The following DOCK3 variants were observed in gnomAD, a reference collection of about 807,000 sequenced individuals.
DOCK3 encodes dedicator of cytokinesis 3, also known as dedicator of cytokinesis protein 3.
DOCK3 carries 60 observed loss-of-function variants against 265.6 expected under a neutral mutation model. That is an observed-to-expected ratio of 0.23 (90% CI 0.18 to 0.28). The LOEUF (loss-of-function observed/expected upper bound fraction) is 0.28, where lower values mean the gene tolerates loss of function less well. Among genes scored for constraint, DOCK3 ranks in the 10% least tolerant of loss-of-function variants. DOCK3 has a pLI of 1.00. For synonymous variants in DOCK3, 881 were observed against 938.0 expected, an observed-to-expected ratio of 0.94 and a Z score of 1.11; for missense variants, 1,981 against 2,594.3, an observed-to-expected ratio of 0.76 and a Z score of 5.14.
chr3:50,865,141 T>G (rs2047081061), intron 3 of DOCK3, among the ~76,000 whole-genome samples: 1 of 152,204 alleles, frequency 6.6e-6, no homozygotes. Flanking sequence ...ATCTTTTGTG[T>G]TACCAACAGT....
At chr3:51,040,928 A>G (rs1206955338) in intron 5 of DOCK3, among the ~76,000 whole-genome samples, 5 of 151,590 alleles carry the variant, frequency 3.3e-5, no homozygotes, top group Non-Finnish European at 4.4e-5. Flanking sequence ...TGCTAATTCT[A>G]CCATATCTGC....
chr3:51,146,534 T>A lies in DOCK3; in HGVS notation c.747-15T>A. 6.3e-7 allele frequency: 1 copy of A among 1,579,720 alleles called. No individual in the cohort carries two copies. Among genetic ancestry groups the A allele is most frequent in the Non-Finnish European group, 8.6e-7 (1 of 1,161,674 alleles). On this transcript the variant is annotated splice_polypyrimidine_tract_variant and intron_variant, in intron 9 of 52. Transcript: ENST00000266037. ...TTACTCACATTTCTCTATATCTTTC[T>A]TTCCTACATTTCAGTGAGCGGTTTC...
intron 4 of DOCK3, among the ~76,000 whole-genome samples, chr3:50,917,293 T>A (rs2050180031): frequency 6.6e-6 from 1 of 152,092 alleles, no homozygotes; most frequent in African/African-American, 2.4e-5. Flanking sequence ...TTTTAAAATG[T>A]CTGGGCCTGC....
At chr3:51,214,337 G>C in intron 14 of DOCK3, 90 bp downstream of exon 14, 1 of 1,513,894 alleles carries the variant, frequency 6.6e-7, no homozygotes, top group South Asian at 1.3e-5. Context: ...CTGTGCTATG[G>C]AGAAGACCTG....
At chr3:50,890,581 T>A (rs1442706912) in intron 4 of DOCK3, among the ~76,000 whole-genome samples, 1 of 152,116 alleles carries the variant, frequency 6.6e-6, no homozygotes. Flanking sequence ...TGTTAACACT[T>A]GTTTTTGCAT....
intron 9 of DOCK3, among the ~76,000 whole-genome samples, chr3:51,126,585 C>T (rs2084277144): frequency 6.6e-6 from 1 of 152,216 alleles, no homozygotes; most frequent in African/African-American, 2.4e-5. Context: ...GATGAACTGA[C>T]TTAGCATTGT....
intron 9 of DOCK3, among the ~76,000 whole-genome samples, chr3:51,097,927 C>T (rs1015301461): frequency 9.9e-5 from 15 of 152,220 alleles, no homozygotes; most frequent in African/African-American, 3.6e-4. Context: ...TCAGCTCACC[C>T]TCCATGGGCT....
At chr3:50,897,475 C>T (rs1042854789) in intron 4 of DOCK3, among the ~76,000 whole-genome samples, 1 of 152,108 alleles carries the variant, frequency 6.6e-6, no homozygotes, top group African/African-American at 2.4e-5. Flanking sequence ...CCCTTTATTT[C>T]TTTCTCTTGC....
chr3:51,162,190 A>C (rs971334542), intron 12 of DOCK3, among the ~76,000 whole-genome samples: 1 of 152,226 alleles, frequency 6.6e-6, no homozygotes, highest in Non-Finnish European at 1.5e-5. Context: ...CACCATGTTA[A>C]TGTATCTTCA....
chr3:50,982,267 A>G (rs2077721613), intron 5 of DOCK3, among the ~76,000 whole-genome samples: 2 of 152,150 alleles, frequency 1.3e-5, no homozygotes, highest in African/African-American at 4.8e-5. Context: ...CTTATGCTCA[A>G]AGTTATTGAT....
chr3:51,185,230 CATTA>C (rs2087527543), intron 12 of DOCK3, among the ~76,000 whole-genome samples: 1 of 152,186 alleles, frequency 6.6e-6, no homozygotes, highest in South Asian at 2.1e-4. Context: ...AGTATTGGTT[CATTA>C]ATTATGACAA....
In DOCK3 at chr3:51,260,190, C is replaced by T; in HGVS notation, c.2219C>T (p.Ser740Leu). 6.2e-7 allele frequency: 1 copy of T among 1,613,828 alleles called. No individual in the cohort carries two copies. The highest frequency in any genetic ancestry group is 8.5e-7 in the Non-Finnish European group (1 of 1,179,840). ...TACCTTTTCAAGTTCATTGTACAGT[C>T]ACGGATCCTGTACTCACGAGCCACT... ...LEYLFKFIVQ[S>L]RILYSRATCG... Residue 740 changes from serine (S) to leucine (L), a missense_variant, in exon 23 of 53, where the codon TCA becomes TTA. Around this residue, in one of 4 missense-constraint regions of DOCK3, gnomAD observed 1,357 missense variants for 1,866.8 expected, o/e 0.73. Coordinates refer to ENST00000266037, the MANE Select transcript of DOCK3 (RefSeq NM_004947.5).
At chr3:51,240,474 T>A (rs1309422340) in intron 21 of DOCK3, among the ~76,000 whole-genome samples, 2 of 152,166 alleles carry the variant, frequency 1.3e-5, no homozygotes, top group Non-Finnish European at 1.5e-5. Context: ...CTGAGTTAGG[T>A]CCTGATATCT....
intron 27 of DOCK3, among the ~76,000 whole-genome samples, chr3:51,290,077 A>G (rs1475155009): frequency 1.3e-5 from 2 of 152,180 alleles, no homozygotes; most frequent in Non-Finnish European, 2.9e-5. Context: ...ACACTTTTAC[A>G]CTGTTGGTGG....
At chr3:50,915,811 G>C (rs964353206) in intron 4 of DOCK3, among the ~76,000 whole-genome samples, 8 of 152,008 alleles carry the variant, frequency 5.3e-5, no homozygotes, top group Non-Finnish European at 1.0e-4. Flanking sequence ...AGGTGACCAA[G>C]GTACCGTGTT....
intron 7 of DOCK3, among the ~76,000 whole-genome samples, chr3:51,084,111 A>G (rs938400555): frequency 3.9e-5 from 6 of 152,142 alleles, no homozygotes; most frequent in South Asian, 2.1e-4. Flanking sequence ...GCAAATAAAT[A>G]TTCAAATTTT....
chr3:50,791,086 G>A (rs73074994), intron 2 of DOCK3, among the ~76,000 whole-genome samples: 26,872 of 151,736 alleles, frequency 0.18, 3,054 homozygotes, highest in Non-Finnish European at 0.24. Flanking sequence ...AGTTTCTTTT[G>A]TTATGCAGAA....
intron 5 of DOCK3, among the ~76,000 whole-genome samples, chr3:50,958,850 G>C (rs2108369609): frequency 6.6e-6 from 1 of 152,248 alleles, no homozygotes; most frequent in Non-Finnish European, 1.5e-5. Flanking sequence ...TTAATATATT[G>C]TGAGATATGT....
At chr3:51,356,385 C>T (rs765044162) in intron 42 of DOCK3, 22 bp from the exon 43 acceptor site, 36 of 1,613,484 alleles carry the variant, frequency 2.2e-5, no homozygotes, top group Admixed American at 3.3e-5. Context: ...ACTGCCCATA[C>T]CTGCCTGTTC....
Sources: allele counts gnomAD v4.1 joint callset (sites outside exome capture counted in the v4.1 genomes callset), GRCh38; gene constraint gnomAD v4.1.1; regional missense constraint gnomAD v4.1.1; transcripts MANE v1.5; gene names NCBI Gene and HGNC (gene_info 2026-07-23, HGNC 2026-07-21).